PCNX2: variants seen among roughly 807,000 people sequenced by gnomAD.
The protein encoded by PCNX2 is pecanex 2.
PCNX2 carries 168 observed loss-of-function variants against 223.8 expected under a neutral mutation model. That is an observed-to-expected ratio of 0.75 (90% CI 0.66 to 0.85). The LOEUF is 0.85. PCNX2 is among the 40% of genes least tolerant of loss of function. The pLI is 0.00. For synonymous variants in PCNX2, 1,006 were observed against 1,052.6 expected, an observed-to-expected ratio of 0.96 and a Z score of 0.86; for missense variants, 2,507 against 2,675.5, an observed-to-expected ratio of 0.94 and a Z score of 1.39.
chr1:233,008,485 T>C (rs1291824722), intron 28 of PCNX2, among the ~76,000 whole-genome samples: 1 of 152,194 alleles, frequency 6.6e-6, no homozygotes, highest in African/African-American at 2.4e-5. Context: ...TAAGATCAAT[T>C]ACTGCCAGGC....
chr1:233,216,875 G>A (rs1656967175), intron 12 of PCNX2, among the ~76,000 whole-genome samples: 1 of 152,064 alleles, frequency 6.6e-6, no homozygotes, highest in Non-Finnish European at 1.5e-5. Flanking sequence ...ATATCATTCA[G>A]CCTAAAAAAA....
chr1:233,235,957 A>AAAAAAAATATATATATAT (rs369886650), intron 9 of PCNX2, among the ~76,000 whole-genome samples: 2 of 93,114 alleles, frequency 2.1e-5, no homozygotes, highest in African/African-American at 7.8e-5. Context: ...CATAAAAAAA[A>AAAAAAAATATATATATAT]ATATATATAT....
At chr1:233,062,688 G>A (rs1187711535) in intron 23 of PCNX2, among the ~76,000 whole-genome samples, 3 of 152,028 alleles carry the variant, frequency 2.0e-5, no homozygotes, top group Non-Finnish European at 4.4e-5. Flanking sequence ...ATGTCTTTTC[G>A]CTGGGTGTCC....
At chr1:233,217,770 G>T in intron 12 of PCNX2, 129 bp downstream of exon 12, 1 of 902,838 alleles carries the variant, frequency 1.1e-6, no homozygotes. Context: ...ATATATATTT[G>T]ATATTTCTAT....
At chr1:233,228,179 G>A (rs1471047299) in intron 9 of PCNX2, among the ~76,000 whole-genome samples, 5 of 152,058 alleles carry the variant, frequency 3.3e-5, no homozygotes, top group African/African-American at 7.2e-5. Flanking sequence ...CATCCCACCT[G>A]TGTTTTGTTT....
intron 5 of PCNX2, among the ~76,000 whole-genome samples, chr1:233,254,362 A>AT (rs1465894685): frequency 2.6e-5 from 4 of 152,248 alleles, no homozygotes; most frequent in Non-Finnish European, 5.9e-5. Flanking sequence ...ATCATGCCTC[A>AT]TAAAAAATCG....
intron 33 of PCNX2, chr1:232,985,876 G>A (rs1263160556): frequency 4.3e-5 from 27 of 627,908 alleles, no homozygotes; most frequent in Non-Finnish European, 6.5e-5. Context: ...GGGCATTATC[G>A]TTTACAGGAT....
chr1:233,172,313 T>C, intron 17 of PCNX2: 1 of 973,704 alleles, frequency 1.0e-6, no homozygotes, highest in Non-Finnish European at 1.2e-6. Flanking sequence ...AGAAAGGATT[T>C]ATGTTTGTTT....
intron 19 of PCNX2, among the ~76,000 whole-genome samples, chr1:233,151,703 T>C (rs534563832): frequency 6.6e-6 from 1 of 152,292 alleles, no homozygotes; most frequent in Non-Finnish European, 1.5e-5. Context: ...AGACAAAGTC[T>C]CACTCTTGTT....
At chr1:233,298,842 A>G (rs1662211520), upstream of PCNX2, among the ~76,000 whole-genome samples, 1 of 152,110 alleles carries the variant, frequency 6.6e-6, no homozygotes, top group African/African-American at 2.4e-5. Flanking sequence ...GGATCATGCC[A>G]CTGCACTCCA....
At chr1:233,197,337 T>C (rs1680794753) in intron 15 of PCNX2, among the ~76,000 whole-genome samples, 2 of 152,218 alleles carry the variant, frequency 1.3e-5, no homozygotes, top group South Asian at 2.1e-4. Context: ...GAAAAACACC[T>C]GTGACCCCAG....
chr1:233,251,774 A>G (rs1045680069), intron 7 of PCNX2, among the ~76,000 whole-genome samples: 4 of 152,246 alleles, frequency 2.6e-5, no homozygotes, highest in Non-Finnish European at 2.9e-5. Context: ...TATGATACAT[A>G]AGCCAAGACC....
chr1:233,118,068 C>T (rs1198938019), intron 21 of PCNX2, among the ~76,000 whole-genome samples: 1 of 151,664 alleles, frequency 6.6e-6, no homozygotes, highest in African/African-American at 2.4e-5. Flanking sequence ...TTCAGGGATG[C>T]AAGGTTGGTT....
rs369891743 is a variant in PCNX2 at position 232,984,916 on chromosome 1, AAGG to A, written c.6241-442_6241-440del. The A allele has an allele frequency of 4.1e-3, 640 of 155,754 alleles. 1 individual carries two copies. The highest frequency in any genetic ancestry group is 0.015 in the African/African-American group (622 of 41,656). 9.6% of individuals were successfully genotyped at this position (155,754 alleles called of 1,614,324 possible). Reference sequence around the variant, plus strand: ...ACAATTGTCCATTTTGGAGAGCAGGAAGGAGAATTTGACAGAATCCCAGAACTA... The same window carrying A: ...ACAATTGTCCATTTTGGAGAGCAGGAAGAATTTGACAGAATCCCAGAACTA... On this transcript the variant is annotated intron_variant, in intron 33 of 33. Coordinates refer to ENST00000258229, the MANE Select transcript of PCNX2 (RefSeq NM_014801.4).
At position 232,986,507 on chromosome 1, in the gene PCNX2, G is replaced by A. The variant is rs1423501829; in HGVS notation, c.5825C>T (p.Ala1942Val). Residue 1942 changes from alanine to valine, a missense_variant, in exon 33 of 34, where the codon GCA becomes GTA. This residue lies in a region of PCNX2 where 1,372 missense variants were observed against 1,509.4 expected (regional missense o/e 0.91). Transcript: ENST00000258229. ...RRKGRSQSVQAHSALSQRPPM... is the reference protein window; with the variant it reads ...RRKGRSQSVQVHSALSQRPPM... ...CGGCCTTTGGCTTAGCGCTGAGTGT[G>A]CCTGCACGGACTGGCTCCTGCCTTT... 6.4e-6 allele frequency: 10 copies of A among 1,558,506 alleles called. No individual in the cohort carries two copies. Among genetic ancestry groups the A allele is most frequent in the Non-Finnish European group, 8.7e-6 (10 of 1,151,014 alleles).
intron 15 of PCNX2, among the ~76,000 whole-genome samples, chr1:233,195,061 A>T (rs1237743715): frequency 6.6e-6 from 1 of 151,988 alleles, no homozygotes; most frequent in Non-Finnish European, 1.5e-5. Flanking sequence ...CTTCATAGAC[A>T]TCAAATTTCT....
At chr1:233,271,824 T>C (rs759177788) in intron 1 of PCNX2, among the ~76,000 whole-genome samples, 17 of 152,340 alleles carry the variant, frequency 1.1e-4, no homozygotes, top group Non-Finnish European at 2.5e-4. Context: ...TTCTATTCCA[T>C]TGGTTTATGT....
At chr1:232,988,423 T>A (rs1318233007) in intron 32 of PCNX2, among the ~76,000 whole-genome samples, 1 of 149,238 alleles carries the variant, frequency 6.7e-6, no homozygotes, top group African/African-American at 2.5e-5. Context: ...CATTGCTCTT[T>A]TTTTTTTTTA....
At chr1:233,226,597 TCTC>T (rs1329883787) in intron 10 of PCNX2, among the ~76,000 whole-genome samples, 1 of 152,094 alleles carries the variant, frequency 6.6e-6, no homozygotes, top group Non-Finnish European at 1.5e-5. Flanking sequence ...AACCTTAACT[TCTC>T]CTCCTCTTTC....
Sources: gnomAD v4.1 joint callset for allele counts (sites outside exome capture counted in the v4.1 genomes callset) on GRCh38, gnomAD v4.1.1 for gene constraint, gnomAD v4.1.1 regional missense constraint, MANE v1.5 for transcripts, NCBI Gene and HGNC (gene_info 2026-07-23, HGNC 2026-07-21) for gene names.